SPANXN2: variants seen among roughly 807,000 people sequenced by gnomAD.
SPANXN2 encodes sperm protein associated with the nucleus on the X chromosome N2.
Under a neutral mutation model 2.0 loss-of-function variants are expected in SPANXN2, and 1 was observed. That is an observed-to-expected ratio of 0.50 (90% CI 0.18 to 2.36). The LOEUF is 2.36. Among genes scored for constraint, SPANXN2 ranks in the 30% most tolerant of loss-of-function variants. The pLI, the probability that SPANXN2 is intolerant of heterozygous loss-of-function variation, is 0.26. For missense variants in SPANXN2, 88 were observed against 116.7 expected (o/e 0.75, Z 1.13); for synonymous variants, 43 against 49.8 (o/e 0.86, Z 0.58).
chrX:143,713,693 G>A (rs1470148789), intron 1 of SPANXN2, among the ~76,000 whole-genome samples: 2 of 111,207 alleles, frequency 1.8e-5, no homozygotes, highest in Non-Finnish European at 3.8e-5. Flanking sequence ...TCTCTCTGGA[G>A]TACTCGCTCA....
At chrX:143,714,268 C>A (rs1288475856) in intron 1 of SPANXN2, among the ~76,000 whole-genome samples, 1 of 111,796 alleles carries the variant, frequency 8.9e-6, no homozygotes, top group Non-Finnish European at 1.9e-5. Flanking sequence ...AAGTTCCCTT[C>A]TCTCTAGCTG....
intron 1 of SPANXN2, among the ~76,000 whole-genome samples, chrX:143,715,844 C>T (rs1219229192): frequency 3.6e-5 from 4 of 111,265 alleles, no homozygotes; most frequent in African/African-American, 1.3e-4. Context: ...GGTCCTCAAC[C>T]AATATACTCT....
chrX:143,720,654 A>T, exon 1 of SPANXN2: 1 of 1,211,054 alleles, frequency 8.3e-7, no homozygotes, highest in Non-Finnish European at 1.1e-6. Flanking sequence ...TGGTGCTTGA[A>T]GTCGGCTGTT....
chrX:143,720,445 C>G (rs851093), intron 1 of SPANXN2, 146 bp downstream of exon 1: 224,341 of 474,431 alleles, frequency 0.47, 46,542 homozygotes, highest in East Asian at 0.75. Context: ...AGCACCCCAG[C>G]CTGTAAGCGG....
At chrX:143,716,441 T>C (rs1430992674) in intron 1 of SPANXN2, among the ~76,000 whole-genome samples, 2 of 111,257 alleles carry the variant, frequency 1.8e-5, no homozygotes, top group African/African-American at 3.3e-5. Flanking sequence ...CAAGCCACTA[T>C]ACGTAGCCTC....
In SPANXN2 at chrX:143,714,055, G is replaced by GCCCTCTCCCATT. The variant is rs1556449077; in HGVS notation, c.79-1568_79-1557dup. ...CAACACACCCGTTCTTCAGCCTCCT[G>GCCCTCTCCCATT]CCCTCTCCCATTCCCTCCACCTTCT... On this transcript the variant is annotated intron_variant, in intron 1 of 1. Transcript: ENST00000598475. Among the ~76,000 whole-genome samples the GCCCTCTCCCATT allele has an allele frequency of 5.5e-5, 6 of 108,624 alleles. No homozygotes were observed. The Admixed American group carries it at 5.9e-4, about 11-fold the overall frequency. The allele number at this position is 108,624 out of a possible 115,157, so 94.3% of individuals were successfully genotyped here. A position where few individuals can be genotyped will look rare whatever the true frequency, so the allele number is the denominator to read the frequency against.
exon 2 of SPANXN2, chrX:143,712,491 C>A (rs782368208): frequency 8.3e-7 from 1 of 1,206,306 alleles, no homozygotes; most frequent in Non-Finnish European, 1.1e-6. Context: ...TGTTCGGTGC[C>A]TCCTGCATCT....
rs1932301654 is a variant in SPANXN2, at chrX:143,718,190, G to A, written c.78+2401C>T. ...CTCCCATTGTTCCTCATGCGATTAT[G>A]AGTCATTTCCTAAAAGCGCTCAGCC... On this transcript the variant is annotated intron_variant, in intron 1 of 1. Transcript: ENST00000598475. Among the ~76,000 whole-genome samples the A allele has an allele frequency of 6.3e-5, 7 of 111,672 alleles. No homozygotes were observed. In the Admixed American group the frequency reaches 6.6e-4, roughly 11 times the overall value.
chrX:143,716,291 A>C (rs1320224999), intron 1 of SPANXN2, among the ~76,000 whole-genome samples: 2 of 110,903 alleles, frequency 1.8e-5, no homozygotes, highest in Non-Finnish European at 1.9e-5. Flanking sequence ...TCTAACCCCT[A>C]ATTCTCGAGC....
chrX:143,712,702 G>A (rs1932188833), intron 1 of SPANXN2, among the ~76,000 whole-genome samples: 1 of 111,067 alleles, frequency 9.0e-6, no homozygotes, highest in Admixed American at 9.5e-5. Flanking sequence ...AGTCCAAACT[G>A]CACGATTTCG....
At chrX:143,715,670 G>C (rs782342061) in intron 1 of SPANXN2, among the ~76,000 whole-genome samples, 1 of 104,573 alleles carries the variant, frequency 9.6e-6, no homozygotes, top group South Asian at 4.6e-4. Context: ...TTGCTTAGGG[G>C]GTCTCAAACC....
chrX:143,716,652 C>T lies in SPANXN2; in HGVS notation c.78+3939G>A, dbSNP rs782554730. ...TGGCAACGCCCCAGAAGCCATTGCA[C>T]GCCTCTCAAAACAACTGGACTCTGT... On this transcript the variant is annotated intron_variant, in intron 1 of 1. Coordinates refer to ENST00000598475, the Ensembl canonical transcript of SPANXN2. Among the ~76,000 whole-genome samples the T allele has an allele frequency of 9.1e-3, 1,022 of 112,203 alleles. 7 individuals carry two copies. Among genetic ancestry groups the T allele is most frequent in the Non-Finnish European group, 0.015 (800 of 53,221 alleles).
At chrX:143,713,059 A>G (rs1932196600) in intron 1 of SPANXN2, among the ~76,000 whole-genome samples, 1 of 111,580 alleles carries the variant, frequency 9.0e-6, no homozygotes, top group South Asian at 3.8e-4. Context: ...GGTGTCTGCC[A>G]TATTCCTGTG....
At chrX:143,720,215 G>A (rs141226868) in intron 1 of SPANXN2, among the ~76,000 whole-genome samples, 2,748 of 110,970 alleles carry the variant, frequency 0.025, 96 homozygotes, top group African/African-American at 0.085. Flanking sequence ...ACGGGGGTTC[G>A]GGCCATGAGA....
chrX:143,715,660 T>G (rs6637079), intron 1 of SPANXN2, among the ~76,000 whole-genome samples: 9 of 105,162 alleles, frequency 8.6e-5, no homozygotes, highest in South Asian at 4.5e-4. Context: ...TAATCCAGCC[T>G]TGCTTAGGGG....
Position 143,715,838 on chromosome X carries a change from C to G in SPANXN2, c.79-3339G>C, listed in dbSNP as rs782242102. On this transcript the variant is annotated intron_variant, in intron 1 of 1. Coordinates refer to ENST00000598475, the Ensembl canonical transcript of SPANXN2. ...CGTGGTACCAATCCATCTAGTGGTCCTCAACCAATATACTCTACTCTACCG... is the reference window on the plus strand; with the variant it reads ...CGTGGTACCAATCCATCTAGTGGTCGTCAACCAATATACTCTACTCTACCG... 5.7e-4 allele frequency among the ~76,000 whole-genome samples: 64 copies of G among 111,309 alleles called. 1 individual carries two copies. The highest frequency in any genetic ancestry group is 3.1e-3 in the Admixed American group (33 of 10,488).
At chrX:143,713,486 A>C (rs1157621322) in intron 1 of SPANXN2, among the ~76,000 whole-genome samples, 1 of 111,147 alleles carries the variant, frequency 9.0e-6, no homozygotes, top group African/African-American at 3.3e-5. Flanking sequence ...GTTCTCCAAA[A>C]AATTCCAGTG....
intron 1 of SPANXN2, among the ~76,000 whole-genome samples, chrX:143,716,110 C>A (rs1329156732): frequency 6.3e-5 from 7 of 110,785 alleles, no homozygotes; most frequent in African/African-American, 2.3e-4. Context: ...CTTCCCCTTG[C>A]TCCTAGTACC....
chrX:143,718,462 A>C (rs1556450254), intron 1 of SPANXN2, among the ~76,000 whole-genome samples: 2 of 111,509 alleles, frequency 1.8e-5, no homozygotes, highest in African/African-American at 6.6e-5. Context: ...ACCTAAGTGG[A>C]GGAATTCTCA....
Sources: gnomAD v4.1 joint callset for allele counts (sites outside exome capture counted in the v4.1 genomes callset) on GRCh38, gnomAD v4.1.1 for gene constraint, MANE v1.5 for transcripts, NCBI Gene and HGNC (gene_info 2026-07-23, HGNC 2026-07-21) for gene names.